Variants in CLEC9A observed in about 807,000 individuals in gnomAD.
CLEC9A encodes C-type lectin domain family 9 member A.
CLEC9A carries 24 observed loss-of-function variants against 30.0 expected under a neutral mutation model. That is an observed-to-expected ratio of 0.80 (90% CI 0.58 to 1.13). The LOEUF (loss-of-function observed/expected upper bound fraction) is 1.13. CLEC9A is among the 50% of genes most tolerant of loss of function. The pLI, the probability that CLEC9A is intolerant of heterozygous loss-of-function variation, is 0.00. For missense variants in CLEC9A, 251 were observed against 280.9 expected, an observed-to-expected ratio of 0.89 and a Z score of 0.76; for synonymous variants, 111 against 96.8, an observed-to-expected ratio of 1.15 and a Z score of -0.86.
At chr12:10,055,775 G>A (rs1462330340) in intron 5 of CLEC9A, among the ~76,000 whole-genome samples, 1 of 151,900 alleles carries the variant, frequency 6.6e-6, no homozygotes, top group Non-Finnish European at 1.5e-5. Context: ...GTACACTTTA[G>A]GCCAGGCGTG....
chr12:10,036,949 A>G (rs1290736011), intron 1 of CLEC9A, among the ~76,000 whole-genome samples: 2 of 152,102 alleles, frequency 1.3e-5, no homozygotes, highest in South Asian at 2.1e-4. Flanking sequence ...CTCACTTAAC[A>G]TCATCAATAG....
chr12:10,051,829 C>T (rs1865894794), intron 2 of CLEC9A, among the ~76,000 whole-genome samples, 162 bp from the exon 3 acceptor site: 1 of 152,164 alleles, frequency 6.6e-6, no homozygotes, highest in African/African-American at 2.4e-5. Context: ...GTGAAGTGGT[C>T]ATCAAGAGCT....
chr12:10,040,651 C>T (rs935458843), intron 1 of CLEC9A, among the ~76,000 whole-genome samples: 5 of 151,878 alleles, frequency 3.3e-5, no homozygotes, highest in African/African-American at 7.2e-5. Flanking sequence ...GGGGTTTCAC[C>T]GTATTAGCCA....
chr12:10,036,546 C>T (rs1253529448), intron 1 of CLEC9A, among the ~76,000 whole-genome samples: 1 of 152,164 alleles, frequency 6.6e-6, no homozygotes. Flanking sequence ...TCATAACACC[C>T]ACAGTAGTCA....
At chr12:10,031,621 T>G (rs1332827683) in intron 1 of CLEC9A, among the ~76,000 whole-genome samples, 1 of 152,136 alleles carries the variant, frequency 6.6e-6, no homozygotes, top group African/African-American at 2.4e-5. Flanking sequence ...TGAAATTTTA[T>G]TTAGAAACGG....
At chr12:10,040,595 C>T (rs1591885077) in intron 1 of CLEC9A, among the ~76,000 whole-genome samples, 1 of 151,810 alleles carries the variant, frequency 6.6e-6, no homozygotes, top group South Asian at 2.1e-4. Context: ...GGACTACAGG[C>T]GCCCGCCACC....
At chr12:10,041,113 G>T (rs980980187) in intron 1 of CLEC9A, 6 of 159,018 alleles carry the variant, frequency 3.8e-5, no homozygotes, top group African/African-American at 1.4e-4. Flanking sequence ...AGACAGGGTG[G>T]TGGGTGCCTG....
intron 5 of CLEC9A, among the ~76,000 whole-genome samples, chr12:10,057,944 T>C (rs751785733): frequency 3.3e-5 from 5 of 152,166 alleles, no homozygotes; most frequent in East Asian, 1.9e-4. Context: ...TTAGGTATAA[T>C]GTATGATATC....
intron 5 of CLEC9A, among the ~76,000 whole-genome samples, chr12:10,056,449 G>C (rs139477914): frequency 7.9e-5 from 12 of 152,290 alleles, no homozygotes; most frequent in African/African-American, 2.6e-4. Flanking sequence ...AAACCTGGCT[G>C]ATGAGATCAA....
rs1866038138 is a variant in CLEC9A, at chr12:10,065,615, T to C, written c.709T>C (p.Leu237=). The C allele has an allele frequency of 6.2e-7, 1 of 1,613,824 alleles. No individual in the cohort carries two copies. Among genetic ancestry groups the C allele is most frequent in the South Asian group, 1.1e-5 (1 of 91,072 alleles). ...GTATTTTATCTGTGAGAAGTATGCG[T>C]TGAGATCCTCTGTCTGAAAGAAATT... ...WKYFICEKYA[L]RSSV is the part of the protein sequence containing the mutation. The change falls in exon 9 of 9, where the codon TTG becomes CTG. Residue 237 remains leucine, a synonymous_variant. Coordinates refer to ENST00000355819, the MANE Select transcript of CLEC9A (RefSeq NM_207345.4).
chr12:10,033,906 G>T (rs934048678), intron 1 of CLEC9A, among the ~76,000 whole-genome samples: 5 of 152,126 alleles, frequency 3.3e-5, no homozygotes, highest in African/African-American at 1.2e-4. Context: ...AAATGAAGAT[G>T]AAAGCCAGAG....
intron 2 of CLEC9A, chr12:10,043,112 CT>C (rs561318614): frequency 5.0e-3 from 1,196 of 239,512 alleles, no homozygotes; most frequent in South Asian, 0.012. Context: ...TGTAATCCAA[CT>C]TTTTTTTTTG....
At chr12:10,045,176 G>A (rs951015046) in intron 2 of CLEC9A, among the ~76,000 whole-genome samples, 2 of 152,082 alleles carry the variant, frequency 1.3e-5, no homozygotes, top group African/African-American at 4.8e-5. Context: ...ACCAACTAAA[G>A]TCTGATCTTG....
rs1866037327 is a variant in CLEC9A, at chr12:10,065,564, C to A, written c.658C>A (p.Leu220Ile). ...TGGATACGTGAAAAGCAATTCCCTT[C>A]TTTCGTCTAACTGCAGCACGTGGAA... ...VCGYVKSNSL[L>I]SSNCSTWKYF... Residue 220 changes from leucine (L) to isoleucine (I), a missense_variant, in exon 9 of 9, where the codon CTT becomes ATT. Coordinates refer to ENST00000355819, the MANE Select transcript of CLEC9A (RefSeq NM_207345.4). 6.2e-7 allele frequency: 1 copy of A among 1,613,848 alleles called. No homozygotes were observed. Among genetic ancestry groups the A allele is most frequent in the African/African-American group, 1.3e-5 (1 of 74,876 alleles).
chr12:10,034,409 G>A (rs917747793), intron 1 of CLEC9A, among the ~76,000 whole-genome samples: 1 of 152,216 alleles, frequency 6.6e-6, no homozygotes, highest in Non-Finnish European at 1.5e-5. Context: ...CCTCCAGCCT[G>A]TCTGGAAGAA....
chr12:10,044,075 C>G (rs770788106), intron 2 of CLEC9A, among the ~76,000 whole-genome samples: 1 of 152,190 alleles, frequency 6.6e-6, no homozygotes, highest in Non-Finnish European at 1.5e-5. Flanking sequence ...GGCATTTTGC[C>G]TACTCTTCTA....
intron 2 of CLEC9A, chr12:10,045,641 G>C (rs1401265264): frequency 4.1e-6 from 1 of 245,006 alleles, no homozygotes; most frequent in South Asian, 6.6e-5. Flanking sequence ...GCAAGGAAAG[G>C]GGCAGGATAT....
intron 2 of CLEC9A, among the ~76,000 whole-genome samples, chr12:10,046,339 A>G (rs1189135414): frequency 1.3e-5 from 2 of 152,228 alleles, no homozygotes; most frequent in Admixed American, 6.5e-5. Flanking sequence ...TACAATTACT[A>G]TTCCAAGTTC....
At chr12:10,040,275 T>C (rs1865780726) in intron 1 of CLEC9A, among the ~76,000 whole-genome samples, 1 of 152,220 alleles carries the variant, frequency 6.6e-6, no homozygotes, top group African/African-American at 2.4e-5. Context: ...ACAACCACTT[T>C]GGGCATGTTA....
Sources: gnomAD v4.1 joint callset for allele counts (sites outside exome capture counted in the v4.1 genomes callset) on GRCh38, gnomAD v4.1.1 for gene constraint, MANE v1.5 for transcripts, NCBI Gene and HGNC (gene_info 2026-07-23, HGNC 2026-07-21) for gene names.